Variants in SETDB2 observed in about 807,000 individuals in gnomAD.
SETDB2 encodes histone-lysine N-methyltransferase SETDB2.
In SETDB2, 56 loss-of-function variants were observed where a neutral mutation model predicts 82.5. The observed-to-expected ratio is 0.68, with a 90% CI of 0.55 to 0.85. The LOEUF is 0.85. SETDB2 is among the 40% of genes least tolerant of loss of function. The pLI is 0.00. For missense variants in SETDB2, 677 were observed against 816.4 expected (o/e 0.83, Z 2.08); for synonymous variants, 272 against 284.9 (o/e 0.95, Z 0.46).
chr13:49,467,470 G>A (rs1958139072), intron 4 of SETDB2, among the ~76,000 whole-genome samples: 1 of 152,068 alleles, frequency 6.6e-6, no homozygotes, highest in South Asian at 2.1e-4. Context: ...TAAAATAGTT[G>A]TAGAGCAATA....
chr13:49,467,181 T>TGAGGTCAG (rs1958132539), intron 4 of SETDB2, among the ~76,000 whole-genome samples: 1 of 152,090 alleles, frequency 6.6e-6, no homozygotes, highest in East Asian at 1.9e-4. Context: ...ACGGATCACT[T>TGAGGTCAG]GAGGTCAGGA....
intron 6 of SETDB2, among the ~76,000 whole-genome samples, chr13:49,479,410 C>T (rs1371154056): frequency 1.3e-5 from 2 of 152,178 alleles, no homozygotes; most frequent in Non-Finnish European, 2.9e-5. Context: ...ATTTTCATAT[C>T]TGTAAACAGA....
chr13:49,462,226 A>G (rs750246708), intron 4 of SETDB2, among the ~76,000 whole-genome samples: 2 of 152,172 alleles, frequency 1.3e-5, no homozygotes, highest in African/African-American at 2.4e-5. Context: ...TGGGGGTGGA[A>G]AGAGTAGGGA....
chr13:49,455,510 T>C (rs1444376253), intron 2 of SETDB2, among the ~76,000 whole-genome samples: 3 of 152,188 alleles, frequency 2.0e-5, no homozygotes. Flanking sequence ...TTTAATCATA[T>C]AATTTTAAAA....
chr13:49,477,870 G>T (rs554483606), intron 6 of SETDB2, among the ~76,000 whole-genome samples: 21 of 152,176 alleles, frequency 1.4e-4, no homozygotes, highest in African/African-American at 4.8e-4. Flanking sequence ...CTTATAACTA[G>T]TATTTTCTTA....
chr13:49,489,605 T>TTA, intron 12 of SETDB2, among the ~76,000 whole-genome samples: 1 of 143,292 alleles, frequency 7.0e-6, no homozygotes, highest in Admixed American at 6.9e-5. Flanking sequence ...TCTTTTTTTT[T>TTA]TTTTTTTTTT....
intron 2 of SETDB2, among the ~76,000 whole-genome samples, chr13:49,454,650 T>C (rs1957847164): frequency 1.3e-5 from 2 of 152,238 alleles, no homozygotes; most frequent in African/African-American, 4.8e-5. Context: ...CTGAGATCCC[T>C]GACGTCCTAA....
At chr13:49,461,896 A>G (rs1203764539) in intron 4 of SETDB2, among the ~76,000 whole-genome samples, 1 of 152,170 alleles carries the variant, frequency 6.6e-6, no homozygotes, top group Non-Finnish European at 1.5e-5. Flanking sequence ...AGATTCCATG[A>G]TTTGCTATAA....
At chr13:49,472,564 T>C (rs1399329245) in intron 5 of SETDB2, among the ~76,000 whole-genome samples, 2 of 152,200 alleles carry the variant, frequency 1.3e-5, no homozygotes, top group Admixed American at 1.3e-4. Flanking sequence ...TGCATAGAAT[T>C]GGTTTTATTT....
chr13:49,451,745 A>C lies in SETDB2; in HGVS notation c.-149A>C. On this transcript the variant is annotated 5_prime_UTR_variant, in exon 2 of 14. Coordinates refer to ENST00000611815, the MANE Select transcript of SETDB2 (RefSeq NM_001160308.3). Reference sequence around the variant, plus strand: ...TTTGAAAATTCAAGTATCAAAGGATACCAGGTTTAGAATGGTATAATGATG... The same window carrying C: ...TTTGAAAATTCAAGTATCAAAGGATCCCAGGTTTAGAATGGTATAATGATG... 2.2e-6 allele frequency: 1 copy of C among 462,396 alleles called. No individual in the cohort carries two copies. The highest frequency in any genetic ancestry group is 2.0e-5 in the African/African-American group (1 of 49,220). 28.6% of individuals were successfully genotyped at this position (462,396 alleles called of 1,614,324 possible).
chr13:49,489,125 T>C (rs933939785), intron 12 of SETDB2: 1 of 152,820 alleles, frequency 6.5e-6, no homozygotes, highest in African/African-American at 2.4e-5. Context: ...TTTTATTTTT[T>C]GTTTTTTTTG....
chr13:49,451,944 TA>T, intron 2 of SETDB2, 35 bp downstream of exon 2: 2 of 1,429,256 alleles, frequency 1.4e-6, no homozygotes, highest in Non-Finnish European at 1.9e-6. Flanking sequence ...ACTTTATATC[TA>T]AAAGTATAAA....
Position 49,493,288 on chromosome 13 carries a change from A to G in SETDB2, c.*1439A>G, listed in dbSNP as rs951857366. 1.3e-5 allele frequency: 2 copies of G among 152,110 alleles called. No homozygotes were observed. The highest frequency in any genetic ancestry group is 1.9e-4 in the East Asian group (1 of 5,192). The allele number at this position is 152,110 out of a possible 1,614,324, so 9.4% of individuals were successfully genotyped here. A position where few individuals can be genotyped will look rare whatever the true frequency, so the allele number is the denominator to read the frequency against. Reference sequence around the variant, plus strand: ...GCAATGCACTAAAATGAAATGGGGGAAAAAAGCTTGATCAGTATGGGAACC... The same window carrying G: ...GCAATGCACTAAAATGAAATGGGGGGAAAAAGCTTGATCAGTATGGGAACC... On this transcript the variant is annotated 3_prime_UTR_variant, in exon 14 of 14. Transcript: ENST00000611815.
At chr13:49,472,878 A>G (rs545702240) in intron 5 of SETDB2, among the ~76,000 whole-genome samples, 3 of 152,224 alleles carry the variant, frequency 2.0e-5, no homozygotes, top group East Asian at 1.9e-4. Flanking sequence ...AGAGTCTTGT[A>G]TCTCCTAGTT....
intron 4 of SETDB2, among the ~76,000 whole-genome samples, chr13:49,462,372 A>G (rs1024859892): frequency 1.3e-5 from 2 of 152,218 alleles, no homozygotes; most frequent in Non-Finnish European, 2.9e-5. Context: ...AGACACTCTT[A>G]TCACTACTGG....
rs1242157139 is a variant in SETDB2 at position 49,488,519 on chromosome 13, G to A, written c.1806G>A (p.Glu602=). 1.2e-6 allele frequency: 2 copies of A among 1,613,952 alleles called. No individual in the cohort carries two copies. The highest frequency in any genetic ancestry group is 2.7e-5 in the African/African-American group (2 of 74,926). ...GACAGCAGGTATTTTGTGATGAAGA[G>A]TTGCTAAGTGAAACCAAGAATACTT... ...CQRQQVFCDE[E]LLSETKNTSS... Residue 602 remains glutamate (E), a synonymous_variant, in exon 12 of 14, where the codon GAG becomes GAA. Transcript: ENST00000611815.
chr13:49,460,284 G>C (rs764198840), intron 3 of SETDB2, 52 bp downstream of exon 3: 33 of 1,563,856 alleles, frequency 2.1e-5, no homozygotes, highest in Non-Finnish European at 2.7e-5. Context: ...ATTTCTCTCT[G>C]ACAGTACAGT....
intron 1 of SETDB2, among the ~76,000 whole-genome samples, chr13:49,449,308 TG>T (rs1418689901): frequency 6.6e-6 from 1 of 152,152 alleles, no homozygotes; most frequent in Non-Finnish European, 1.5e-5. Flanking sequence ...TGGAGTACAG[TG>T]GCGTGATCTC....
chr13:49,485,973 G>T (rs1958590534), intron 11 of SETDB2: 2 of 615,566 alleles, frequency 3.2e-6, no homozygotes, highest in African/African-American at 1.9e-5. Context: ...AAATCAGAAG[G>T]TGATAATATT....
Sources: allele counts gnomAD v4.1 joint callset (sites outside exome capture counted in the v4.1 genomes callset), GRCh38; gene constraint gnomAD v4.1.1; transcripts MANE v1.5; gene names NCBI Gene and HGNC (gene_info 2026-07-23, HGNC 2026-07-21).